The following THSD7B variants were observed in gnomAD, a reference collection of about 807,000 sequenced individuals.
THSD7B encodes thrombospondin type 1 domain containing 7B.
THSD7B carries 138 observed loss-of-function variants against 213.6 expected under a neutral mutation model. The ratio of observed to expected loss-of-function variants is 0.65; its 90% CI spans 0.56 to 0.74. THSD7B has a LOEUF of 0.74. THSD7B is among the 30% of genes least tolerant of loss of function. The pLI, the probability that THSD7B is intolerant of heterozygous loss-of-function variation, is 0.00. For synonymous variants in THSD7B, 742 were observed against 687.0 expected (o/e 1.08, Z -1.25); for missense variants, 1,931 against 1,991.5 (o/e 0.97, Z 0.58).
intron 7 of THSD7B, among the ~76,000 whole-genome samples, chr2:137,174,741 G>C (rs1680327423): frequency 6.6e-6 from 1 of 152,158 alleles, no homozygotes; most frequent in Non-Finnish European, 1.5e-5. Flanking sequence ...TGATTTCCGA[G>C]TCTCTGATTG....
chr2:137,216,597 G>C (rs1310836773), intron 7 of THSD7B, among the ~76,000 whole-genome samples: 2 of 152,154 alleles, frequency 1.3e-5, no homozygotes, highest in Non-Finnish European at 2.9e-5. Context: ...TGAAACGGGT[G>C]CCCCATGGTG....
At chr2:136,966,055 C>G (rs978369702) in intron 2 of THSD7B, among the ~76,000 whole-genome samples, 1 of 152,092 alleles carries the variant, frequency 6.6e-6, no homozygotes, top group African/African-American at 2.4e-5. Context: ...TCTCATTATG[C>G]TCCCAGTGCT....
At chr2:137,306,322 A>T (rs943022117) in intron 12 of THSD7B, among the ~76,000 whole-genome samples, 1 of 152,152 alleles carries the variant, frequency 6.6e-6, no homozygotes, top group Non-Finnish European at 1.5e-5. Flanking sequence ...GCACATGACT[A>T]TATACAAGTA....
intron 12 of THSD7B, among the ~76,000 whole-genome samples, chr2:137,393,062 A>G (rs1686073855): frequency 6.6e-6 from 1 of 151,518 alleles, no homozygotes; most frequent in Admixed American, 6.6e-5. Context: ...ATATTTGCTT[A>G]TTTGGGAAAG....
intron 10 of THSD7B, among the ~76,000 whole-genome samples, chr2:137,244,874 T>A (rs988947906): frequency 2.0e-4 from 30 of 152,192 alleles, no homozygotes; most frequent in African/African-American, 6.7e-4. Context: ...GGGGGAAAAA[T>A]TTGGAGGAAA....
intron 5 of THSD7B, among the ~76,000 whole-genome samples, chr2:137,126,014 T>C (rs911764180): frequency 6.6e-6 from 1 of 152,296 alleles, no homozygotes; most frequent in East Asian, 1.9e-4. Flanking sequence ...TAGGAAATCA[T>C]GCTGTAAATA....
intron 3 of THSD7B, among the ~76,000 whole-genome samples, chr2:137,066,331 A>G (rs1438217553): frequency 4.0e-5 from 6 of 151,578 alleles, no homozygotes; most frequent in South Asian, 2.1e-4. Flanking sequence ...AGCTGGGACT[A>G]TAGTCATGTG....
intron 5 of THSD7B, among the ~76,000 whole-genome samples, chr2:137,130,837 A>C (rs1290366547): frequency 7.5e-6 from 1 of 132,890 alleles, no homozygotes; most frequent in Non-Finnish European, 1.6e-5. Context: ...CACAATAAAC[A>C]TACGTGTGCA....
chr2:137,570,555 T>C (rs1681334447), intron 16 of THSD7B, among the ~76,000 whole-genome samples: 1 of 152,120 alleles, frequency 6.6e-6, no homozygotes, highest in South Asian at 2.1e-4. Flanking sequence ...TTTTAATGTG[T>C]GTATAAAAGA....
chr2:137,620,160 T>A (rs991505116), intron 19 of THSD7B, among the ~76,000 whole-genome samples: 1 of 152,226 alleles, frequency 6.6e-6, no homozygotes, highest in Non-Finnish European at 1.5e-5. Flanking sequence ...GGCTTTTTTA[T>A]ACACTTTAGA....
At chr2:137,491,784 G>A (rs527456072) in intron 15 of THSD7B, among the ~76,000 whole-genome samples, 2 of 152,246 alleles carry the variant, frequency 1.3e-5, no homozygotes, top group East Asian at 1.9e-4. Flanking sequence ...AGAAAGTTAA[G>A]CCATTTAAGA....
chr2:136,911,957 G>T (rs1004496116), intron 2 of THSD7B, among the ~76,000 whole-genome samples: 6 of 152,150 alleles, frequency 3.9e-5, no homozygotes. Context: ...ATGAATAGCA[G>T]GTCTGTGCAT....
At chr2:137,000,267 C>T (rs1685976628) in intron 2 of THSD7B, among the ~76,000 whole-genome samples, 2 of 152,112 alleles carry the variant, frequency 1.3e-5, no homozygotes, top group Non-Finnish European at 2.9e-5. Context: ...CTTAACTTCT[C>T]AAAATTTAAG....
intron 6 of THSD7B, among the ~76,000 whole-genome samples, chr2:137,165,630 A>G (rs1392886488): frequency 6.6e-6 from 1 of 152,120 alleles, no homozygotes; most frequent in Non-Finnish European, 1.5e-5. Flanking sequence ...TGCATTAAAC[A>G]TTGCAAAACT....
At chr2:137,086,935 T>A (rs1687852628) in intron 3 of THSD7B, among the ~76,000 whole-genome samples, 1 of 152,244 alleles carries the variant, frequency 6.6e-6, no homozygotes, top group Non-Finnish European at 1.5e-5. Flanking sequence ...CACATAGAGA[T>A]ATGTACAAGG....
At chr2:136,964,621 A>G (rs1056263050) in intron 2 of THSD7B, among the ~76,000 whole-genome samples, 2 of 152,086 alleles carry the variant, frequency 1.3e-5, no homozygotes, top group African/African-American at 4.8e-5. Context: ...TCCCTATGCA[A>G]ATATTCTATA....
intron 12 of THSD7B, among the ~76,000 whole-genome samples, chr2:137,303,353 G>A (rs1384417524): frequency 2.0e-5 from 3 of 151,942 alleles, no homozygotes; most frequent in Non-Finnish European, 4.4e-5. Context: ...TTTGTACTAT[G>A]ACCTTTGCAA....
intron 4 of THSD7B, among the ~76,000 whole-genome samples, chr2:137,096,196 A>G (rs1688035916): frequency 6.6e-6 from 1 of 152,208 alleles, no homozygotes; most frequent in African/African-American, 2.4e-5. Flanking sequence ...ATCTGTAGCT[A>G]TTCAAGATAG....
rs188963362 is a variant in THSD7B at position 137,290,836 on chromosome 2, C to A, written c.2500+14810C>A. ...AATCAGGCTTGGAATCCCGTCTGTT[C>A]CATCTTCATGAGGACTCTCCAGCCT... On this transcript the variant is annotated intron_variant, in intron 12 of 27. Coordinates refer to ENST00000409968, the MANE Select transcript of THSD7B (RefSeq NM_001316349.2). Among the ~76,000 whole-genome samples the A allele has an allele frequency of 4.2e-4, 64 of 152,250 alleles. 2 individuals carry two copies. The South Asian group carries it at 0.011, about 25-fold the overall frequency.
Sources: allele counts gnomAD v4.1 joint callset (sites outside exome capture counted in the v4.1 genomes callset), GRCh38; gene constraint gnomAD v4.1.1; transcripts MANE v1.5; gene names NCBI Gene and HGNC (gene_info 2026-07-23, HGNC 2026-07-21).